The following SKAP1 variants were observed in gnomAD, a reference collection of about 807,000 sequenced individuals.
SKAP1 encodes the protein src kinase associated phosphoprotein 1.
In SKAP1, 44 loss-of-function variants were observed where a neutral mutation model predicts 58.5. That is an observed-to-expected ratio of 0.75 (90% CI 0.59 to 0.97). The LOEUF is 0.97. Among genes scored for constraint, SKAP1 ranks in the 50% least tolerant of loss-of-function variants. SKAP1 has a pLI of 0.00. For missense variants in SKAP1, 390 were observed against 435.2 expected, an observed-to-expected ratio of 0.90 and a Z score of 0.92; for synonymous variants, 127 against 149.7, an observed-to-expected ratio of 0.85 and a Z score of 1.11.
At chr17:48,384,214 G>A (rs1019860186) in intron 2 of SKAP1, among the ~76,000 whole-genome samples, 2 of 152,248 alleles carry the variant, frequency 1.3e-5, no homozygotes, top group Non-Finnish European at 2.9e-5. Flanking sequence ...TTAGAACGAA[G>A]AATCAACAGG....
intron 4 of SKAP1, among the ~76,000 whole-genome samples, chr17:48,301,675 C>T (rs1423696604): frequency 6.6e-6 from 1 of 152,188 alleles, no homozygotes; most frequent in Non-Finnish European, 1.5e-5. Context: ...TGGGGTTTCA[C>T]CACATTGGCC....
chr17:48,151,624 AT>A (rs1213360829), intron 11 of SKAP1, among the ~76,000 whole-genome samples: 1 of 152,218 alleles, frequency 6.6e-6, no homozygotes, highest in African/African-American at 2.4e-5. Flanking sequence ...TTTAACAATT[AT>A]TCGGATGGGC....
intron 4 of SKAP1, among the ~76,000 whole-genome samples, chr17:48,260,719 G>A (rs1408090472): frequency 2.6e-5 from 4 of 152,112 alleles, no homozygotes; most frequent in Middle Eastern, 3.4e-3. Context: ...TATTTATATC[G>A]GAATCACCAC....
chr17:48,233,423 G>A (rs1021155468), intron 4 of SKAP1, among the ~76,000 whole-genome samples: 3 of 152,088 alleles, frequency 2.0e-5, no homozygotes, highest in African/African-American at 7.2e-5. Context: ...GTCCCTGTTT[G>A]GCAAAGGTTT....
chr17:48,229,061 C>T (rs1000505791), intron 4 of SKAP1, among the ~76,000 whole-genome samples: 13 of 152,092 alleles, frequency 8.5e-5, no homozygotes, highest in Non-Finnish European at 1.0e-4. Context: ...TACTCTTGGT[C>T]GTGCATCCCT....
intron 4 of SKAP1, among the ~76,000 whole-genome samples, chr17:48,220,265 A>G (rs1001753944): frequency 2.0e-5 from 3 of 152,236 alleles, no homozygotes; most frequent in Non-Finnish European, 4.4e-5. Context: ...TCACAACAGC[A>G]TTATTTACAA....
At chr17:48,147,946 G>C (rs1277862697) in intron 11 of SKAP1, among the ~76,000 whole-genome samples, 1 of 141,856 alleles carries the variant, frequency 7.0e-6, no homozygotes, top group East Asian at 2.3e-4. Flanking sequence ...ACATGGGAAG[G>C]CTGGGTAGTC....
chr17:48,384,528 C>T (rs1015788642), intron 2 of SKAP1, among the ~76,000 whole-genome samples: 9 of 152,124 alleles, frequency 5.9e-5, no homozygotes, highest in African/African-American at 1.7e-4. Flanking sequence ...CAGGCTCTTC[C>T]CATATTTCTG....
At chr17:48,382,239 C>G (rs2067225120) in intron 2 of SKAP1, 2 of 151,624 alleles carry the variant, frequency 1.3e-5, no homozygotes, top group Non-Finnish European at 2.9e-5. Context: ...GGAGATATAC[C>G]TAACGTAAAT....
Position 48,417,308 on chromosome 17 carries a change from C to T in SKAP1, c.46+12767G>A, listed in dbSNP as rs543405177. On this transcript the variant is annotated intron_variant, in intron 1 of 12. Transcript: ENST00000336915. Reference sequence around the variant, plus strand: ...GAGGAAAAATGAAAATACCTATATACTCACAACACAGAGAAAACAAAAACC... The same window carrying T: ...GAGGAAAAATGAAAATACCTATATATTCACAACACAGAGAAAACAAAAACC... 7.2e-5 allele frequency among the ~76,000 whole-genome samples: 11 copies of T among 152,222 alleles called. No individual in the cohort carries two copies. The South Asian group carries it at 2.3e-3, about 32-fold the overall frequency.
intron 2 of SKAP1, among the ~76,000 whole-genome samples, chr17:48,364,414 C>T (rs538106643): frequency 3.9e-5 from 6 of 152,254 alleles, no homozygotes; most frequent in South Asian, 4.2e-4. Flanking sequence ...TGGTGGCTCA[C>T]GCCTGTAATC....
chr17:48,415,507 C>T (rs954111408), intron 1 of SKAP1, among the ~76,000 whole-genome samples: 21 of 152,164 alleles, frequency 1.4e-4, no homozygotes, highest in African/African-American at 4.3e-4. Flanking sequence ...CATCATCCCT[C>T]GTCCCATCCC....
chr17:48,389,118 G>A (rs143989908), intron 2 of SKAP1, among the ~76,000 whole-genome samples: 50 of 152,306 alleles, frequency 3.3e-4, no homozygotes, highest in African/African-American at 1.2e-3. Flanking sequence ...GAAGCTGGAC[G>A]ATTTAAGAAT....
At chr17:48,204,979 T>C (rs2064780107) in intron 4 of SKAP1, among the ~76,000 whole-genome samples, 1 of 57,004 alleles carries the variant, frequency 1.8e-5, no homozygotes, top group African/African-American at 7.7e-5. Flanking sequence ...TTTCTTTTCT[T>C]TCTTTCTTTC....
chr17:48,296,309 C>T (rs7221510), intron 4 of SKAP1, among the ~76,000 whole-genome samples: 89,473 of 152,016 alleles, frequency 0.59, 26,690 homozygotes, highest in African/African-American at 0.68. Context: ...CTATGCATGA[C>T]TGCGCTGGAG....
chr17:48,398,204 C>A (rs953438883), intron 1 of SKAP1, among the ~76,000 whole-genome samples: 3 of 152,192 alleles, frequency 2.0e-5, no homozygotes, highest in Non-Finnish European at 2.9e-5. Flanking sequence ...AGCTGGTCCC[C>A]ATCACTTGCA....
intron 2 of SKAP1, among the ~76,000 whole-genome samples, chr17:48,396,432 A>AT (rs1358178509): frequency 1.0e-4 from 16 of 152,384 alleles, no homozygotes; most frequent in African/African-American, 3.6e-4. Context: ...AAAGGCTAAC[A>AT]TAAAAATCCA....
chr17:48,134,305 C>G (rs1484127331), intron 12 of SKAP1, among the ~76,000 whole-genome samples: 1 of 151,882 alleles, frequency 6.6e-6, no homozygotes, highest in Admixed American at 6.6e-5. Context: ...TTACCCAAAC[C>G]AAAAATGGTC....
At chr17:48,318,303 T>C (rs954157648) in intron 4 of SKAP1, among the ~76,000 whole-genome samples, 7 of 152,168 alleles carry the variant, frequency 4.6e-5, no homozygotes, top group African/African-American at 1.7e-4. Flanking sequence ...ATCAAGAACA[T>C]CATTTCTTTT....
Sources: allele counts gnomAD v4.1 joint callset (sites outside exome capture counted in the v4.1 genomes callset), GRCh38; gene constraint gnomAD v4.1.1; transcripts MANE v1.5; gene names NCBI Gene and HGNC (gene_info 2026-07-23, HGNC 2026-07-21).